The following PTK7 variants were observed in gnomAD, a reference collection of about 807,000 sequenced individuals.
PTK7 encodes the protein protein tyrosine kinase 7 (inactive).
Under a neutral mutation model 116.6 loss-of-function variants are expected in PTK7, and 39 were observed. The observed-to-expected ratio is 0.33, with a 90% CI of 0.26 to 0.44. The LOEUF (loss-of-function observed/expected upper bound fraction) is 0.44. Among genes scored for constraint, PTK7 ranks in the 20% least tolerant of loss-of-function variants. The probability of loss-of-function intolerance (pLI) is 1.00; values close to 1 mark genes in which losing one functional copy is unlikely to be tolerated. For synonymous variants in PTK7, 546 were observed against 563.6 expected (o/e 0.97, Z 0.44); for missense variants, 1,169 against 1,425.6 (o/e 0.82, Z 2.90).
At chr6:43,079,455 C>T (rs892162772) in intron 1 of PTK7, among the ~76,000 whole-genome samples, 3 of 124,022 alleles carry the variant, frequency 2.4e-5, no homozygotes, top group African/African-American at 1.1e-4. Flanking sequence ...GTGCCGAGAT[C>T]GTGCCACTGC....
chr6:43,099,192 AAAAG>A (rs1300086171), intron 1 of PTK7, among the ~76,000 whole-genome samples: 169 of 152,018 alleles, frequency 1.1e-3, no homozygotes, highest in African/African-American at 3.9e-3. Flanking sequence ...CAAAGAAAAA[AAAAG>A]AGGCTTTAAT....
intron 7 of PTK7, 25 bp from the exon 8 acceptor site, chr6:43,138,824 C>A: frequency 6.3e-7 from 1 of 1,587,750 alleles, no homozygotes; most frequent in South Asian, 1.1e-5. Context: ...AAGCAGCCTT[C>A]ACTGTTTCCT....
At chr6:43,131,029 TCACACACACACACACACACACACA>T (rs3222659) in intron 5 of PTK7, among the ~76,000 whole-genome samples, 2 of 133,756 alleles carry the variant, frequency 1.5e-5, no homozygotes, top group Non-Finnish European at 3.2e-5. Flanking sequence ...GGCAAAGACA[TCACACACACACACACACACACACA>T]CACACACACA....
intron 1 of PTK7, chr6:43,077,090 C>T: frequency 8.1e-7 from 1 of 1,230,914 alleles, no homozygotes. Flanking sequence ...TTCCCTCCTC[C>T]GAGTTCCTGG....
In PTK7 at chr6:43,159,783, T is replaced by C. The variant is rs1302855909; in HGVS notation, c.2874-5T>C. ...CCTCACCCCTGGGTTGCTTCTCTCC[T>C]GCAGTGAGTACTACCACTTCCGCCA... is the stretch of plus-strand genomic sequence containing the variant. On this transcript the variant is annotated splice_region_variant and splice_polypyrimidine_tract_variant and intron_variant, in intron 18 of 19. Coordinates refer to ENST00000230419, the MANE Select transcript of PTK7 (RefSeq NM_002821.5). 1 of 1,614,088 alleles carries C rather than the reference T, an allele frequency of 6.2e-7. No homozygotes were observed. The highest frequency in any genetic ancestry group is 1.7e-5 in the Admixed American group (1 of 60,006).
chr6:43,106,074 C>G (rs1034242126), intron 1 of PTK7, among the ~76,000 whole-genome samples: 24 of 152,184 alleles, frequency 1.6e-4, no homozygotes, highest in South Asian at 6.2e-4. Context: ...AACAGGGACT[C>G]ATTGTGGTTG....
chr6:43,161,166 C>A lies in PTK7; in HGVS notation c.*285C>A. 1 of 351,898 alleles carries A rather than the reference C, an allele frequency of 2.8e-6. No individual in the cohort carries two copies. The highest frequency in any genetic ancestry group is 5.2e-6 in the Non-Finnish European group (1 of 192,610). 21.8% of individuals were successfully genotyped at this position (351,898 alleles called of 1,614,324 possible). ...ACAGTGTGGGTGCCACAGGTAACCC[C>A]AATTTCTGGCCTTCAACTTCTCCCC... On this transcript the variant is annotated 3_prime_UTR_variant, in exon 20 of 20. Coordinates refer to ENST00000230419, the MANE Select transcript of PTK7 (RefSeq NM_002821.5).
chr6:43,157,354 ATATATATATAT>A (rs1451222993), intron 17 of PTK7, among the ~76,000 whole-genome samples: 3 of 3,726 alleles, frequency 8.1e-4, no homozygotes, highest in Admixed American at 5.2e-3. Context: ...ATATATATAT[ATATATATATAT>A]TTTTTTTTTT....
rs1056736820 is a variant in PTK7 at position 43,126,527 on chromosome 6, G to A, written c.80-2450G>A. 2.0e-5 allele frequency among the ~76,000 whole-genome samples: 3 copies of A among 152,210 alleles called. No individual in the cohort carries two copies. In the South Asian group the frequency reaches 6.2e-4, roughly 32 times the overall value. Reference sequence around the variant, plus strand: ...TTTGTGTGCCTGACATTGTCTGCAAGAGGTGTGTCCACACACTACCTGGCA... The same window carrying A: ...TTTGTGTGCCTGACATTGTCTGCAAAAGGTGTGTCCACACACTACCTGGCA... On this transcript the variant is annotated intron_variant, in intron 1 of 19. Coordinates refer to ENST00000230419, the MANE Select transcript of PTK7 (RefSeq NM_002821.5).
intron 15 of PTK7, 81 bp downstream of exon 15, chr6:43,144,687 C>A: frequency 6.8e-7 from 1 of 1,476,652 alleles, no homozygotes; most frequent in South Asian, 1.3e-5. Context: ...GGCTAGTGTT[C>A]TGAAGTCCCT....
At chr6:43,107,202 G>A (rs1767946491) in intron 1 of PTK7, among the ~76,000 whole-genome samples, 1 of 152,308 alleles carries the variant, frequency 6.6e-6, no homozygotes, top group East Asian at 1.9e-4. Flanking sequence ...GGGATTACAG[G>A]TGTGAGCCAC....
chr6:43,097,196 G>T (rs955774869), intron 1 of PTK7, among the ~76,000 whole-genome samples: 1 of 152,144 alleles, frequency 6.6e-6, no homozygotes, highest in African/African-American at 2.4e-5. Context: ...AGGTTGGGTG[G>T]GGGGCAGGAA....
Position 43,144,583 on chromosome 6 carries a change from G to A in PTK7, c.2384G>A (p.Ser795Asn). ...TSDKMHFPRS[S>N]LQPITTLGKS... ...GATAAGATGCACTTCCCACGGTCTAGCCTGCAGCCCATCACCACGCTGGGT... is the reference window on the plus strand; with the variant it reads ...GATAAGATGCACTTCCCACGGTCTAACCTGCAGCCCATCACCACGCTGGGT... Residue 795 changes from serine (S) to asparagine (N), a missense_variant, in exon 15 of 20, where the codon AGC becomes AAC. Transcript: ENST00000230419. 6.2e-7 allele frequency: 1 copy of A among 1,613,150 alleles called. No individual in the cohort carries two copies. The highest frequency in any genetic ancestry group is 1.1e-5 in the South Asian group (1 of 90,990).
At position 43,129,317 on chromosome 6, in the gene PTK7, A is replaced by C; in HGVS notation, c.367+53A>C. 1 of 1,594,008 alleles carries C rather than the reference A, an allele frequency of 6.3e-7. No individual in the cohort carries two copies. The highest frequency in any genetic ancestry group is 8.6e-7 in the Non-Finnish European group (1 of 1,165,416). The stretch of plus-strand genomic sequence containing the variant: ...CCCCCTGTCAGACCCTCAATGACTG[A>C]GGCCTGGGGGATCCCTCCCTTACCT... On this transcript the variant is annotated intron_variant, in intron 2 of 19. Coordinates refer to ENST00000230419, the MANE Select transcript of PTK7 (RefSeq NM_002821.5). The surrounding 1 kb of genome is among the most constrained non-coding windows in gnomAD (Gnocchi z 4.5).
intron 1 of PTK7, among the ~76,000 whole-genome samples, chr6:43,080,140 T>C (rs557607544): frequency 3.7e-4 from 56 of 150,690 alleles, no homozygotes; most frequent in African/African-American, 1.2e-3. Context: ...ATCATGAGGT[T>C]AGGAGAGCGA....
intron 3 of PTK7, 29 bp from the exon 4 acceptor site, chr6:43,130,201 C>CA: frequency 6.5e-7 from 1 of 1,542,166 alleles, no homozygotes; most frequent in Non-Finnish European, 8.8e-7. Flanking sequence ...TACCCCTCCC[C>CA]ACCACTGCTG....
chr6:43,081,954 G>C (rs1766404818), intron 1 of PTK7, among the ~76,000 whole-genome samples: 1 of 152,116 alleles, frequency 6.6e-6, no homozygotes, highest in African/African-American at 2.4e-5. Context: ...GTTTTTCTCA[G>C]TTTTGATGTG....
chr6:43,132,368 G>GT, intron 6 of PTK7, 53 bp from the exon 7 acceptor site: 1 of 1,533,672 alleles, frequency 6.5e-7, no homozygotes, highest in Non-Finnish European at 8.8e-7. Flanking sequence ...AGAACATCAT[G>GT]TACCCTGAGA....
Position 43,101,563 on chromosome 6 carries a change from T to TA in PTK7, c.79+25007dup, listed in dbSNP as rs756022604. 8.0e-3 allele frequency among the ~76,000 whole-genome samples: 1,075 copies of TA among 133,616 alleles called. 5 individuals are homozygous for TA. The highest frequency in any genetic ancestry group is 0.013 in the Non-Finnish European group (782 of 61,158). 87.7% of individuals were successfully genotyped at this position (133,616 alleles called of 152,430 possible). The stretch of plus-strand genomic sequence containing the variant: ...CAAGACTCCGTCTCAAAAAAAAAAA[T>TA]AAAAAAAAAAAGAAAGATAGTTGTA... On this transcript the variant is annotated intron_variant, in intron 1 of 19. Transcript: ENST00000230419.
Sources: gnomAD v4.1 joint callset for allele counts (sites outside exome capture counted in the v4.1 genomes callset) on GRCh38, gnomAD v4.1.1 for gene constraint, Gnocchi (gnomAD v3.1) non-coding constraint, MANE v1.5 for transcripts, NCBI Gene and HGNC (gene_info 2026-07-23, HGNC 2026-07-21) for gene names.